LIMCH1: variants seen among roughly 807,000 people sequenced by gnomAD.
LIMCH1 encodes the protein LIM and calponin homology domains-containing protein 1.
A neutral mutation model predicts 176.5 loss-of-function variants in LIMCH1; 113 were observed. The observed-to-expected ratio is 0.64, with a 90% CI of 0.55 to 0.75. The LOEUF is 0.75. Ranked by LOEUF, LIMCH1 falls within the 30% of genes least tolerant of loss-of-function variation. The pLI is 0.00. For missense variants in LIMCH1, 1,674 were observed against 1,814.9 expected, an observed-to-expected ratio of 0.92 and a Z score of 1.41; for synonymous variants, 619 against 645.9, an observed-to-expected ratio of 0.96 and a Z score of 0.63.
intron 1 of LIMCH1, among the ~76,000 whole-genome samples, chr4:41,420,259 C>G (rs1375961357): frequency 6.6e-6 from 1 of 152,088 alleles, no homozygotes; most frequent in Non-Finnish European, 1.5e-5. Flanking sequence ...GGTAACATGC[C>G]AAAATGCCCA....
At chr4:41,642,957 G>A (rs1348040003) in intron 14 of LIMCH1, among the ~76,000 whole-genome samples, 1 of 152,148 alleles carries the variant, frequency 6.6e-6, no homozygotes, top group African/African-American at 2.4e-5. Flanking sequence ...TTATGCAATG[G>A]CTTGTCATAT....
In LIMCH1 at chr4:41,360,977, C is replaced by G. The variant is rs1378951566; in HGVS notation, c.96+41C>G. On this transcript the variant is annotated intron_variant, in intron 1 of 26. Transcript: ENST00000313860. The surrounding 1 kb of genome is among the most constrained non-coding windows in gnomAD (Gnocchi z 4.5). ...TGGCGGGCGGCCTTGCACTGGCGCC[C>G]TGAGCCACGGACCCGCGCACGCTCC... 2 of 1,454,866 alleles carry G rather than the reference C, an allele frequency of 1.4e-6. No homozygotes were observed. Among genetic ancestry groups the G allele is most frequent in the African/African-American group, 2.9e-5 (2 of 69,940 alleles). The allele number at this position is 1,454,866 out of a possible 1,614,324, so 90.1% of individuals were successfully genotyped here. A position where few individuals can be genotyped will look rare whatever the true frequency, so the allele number is the denominator to read the frequency against.
At chr4:41,561,667 G>A (rs1233223670) in intron 1 of LIMCH1, among the ~76,000 whole-genome samples, 1 of 152,128 alleles carries the variant, frequency 6.6e-6, no homozygotes, top group East Asian at 1.9e-4. Flanking sequence ...GCACTAAAAT[G>A]TGGACAAGTA....
At position 41,395,505 on chromosome 4, in the gene LIMCH1, A is replaced by G. The variant is rs147252496; in HGVS notation, c.96+34569A>G. ...TGATCCGCCCGCCTTGGCCTCCCAA[A>G]GTGCTGTGATTACAGGCATGAGCCA... is the stretch of plus-strand genomic sequence containing the variant. On this transcript the variant is annotated intron_variant, in intron 1 of 26. Transcript: ENST00000313860. Among the ~76,000 whole-genome samples the G allele has an allele frequency of 6.0e-3, 920 of 152,100 alleles. 16 individuals are homozygous for G. The highest frequency in any genetic ancestry group is 0.021 in the African/African-American group (882 of 41,478).
In LIMCH1 at chr4:41,593,310, T is replaced by G. The variant is rs148282410; in HGVS notation, c.-240-5610T>G. Among the ~76,000 whole-genome samples the G allele has an allele frequency of 9.2e-5, 14 of 152,368 alleles. 1 individual carries two copies. The highest frequency in any genetic ancestry group is 3.1e-4 in the African/African-American group (13 of 41,590). On this transcript the variant is annotated intron_variant, in intron 1 of 31. Coordinates refer to ENST00000503057, the MANE Select transcript of LIMCH1 (RefSeq NM_001330672.2). ...TGGTATAAATTCATGTATTAATATTTGTCTAGTACAAAATAGACTCTTTGA... is the reference window on the plus strand; with the variant it reads ...TGGTATAAATTCATGTATTAATATTGGTCTAGTACAAAATAGACTCTTTGA...
intron 1 of LIMCH1, among the ~76,000 whole-genome samples, chr4:41,367,383 C>T (rs568801786): frequency 1.3e-5 from 2 of 152,250 alleles, no homozygotes; most frequent in African/African-American, 4.8e-5. Flanking sequence ...GGGAAAGCTC[C>T]ATGTTTCCAC....
chr4:41,440,191 A>T (rs890431595), intron 1 of LIMCH1, among the ~76,000 whole-genome samples: 1 of 152,190 alleles, frequency 6.6e-6, no homozygotes, highest in South Asian at 2.1e-4. Flanking sequence ...TAACAAAAAT[A>T]CTGTTTAATG....
intron 2 of LIMCH1, chr4:41,494,645 A>G: frequency 3.1e-6 from 4 of 1,301,448 alleles, no homozygotes; most frequent in Non-Finnish European, 4.4e-6. Context: ...TATTCAAAAA[A>G]CATCATTAAT....
rs555926488 is a variant in LIMCH1 at position 41,676,588 on chromosome 4, A to G, written c.3519+126A>G. 7.0e-6 allele frequency: 5 copies of G among 709,632 alleles called. No individual in the cohort carries two copies. In the East Asian group the frequency reaches 1.4e-4, roughly 20 times the overall value. The allele number at this position is 709,632 out of a possible 1,614,324, so 44.0% of individuals were successfully genotyped here. A position where few individuals can be genotyped will look rare whatever the true frequency, so the allele number is the denominator to read the frequency against. On this transcript the variant is annotated intron_variant, in intron 23 of 31. Coordinates refer to ENST00000503057, the MANE Select transcript of LIMCH1 (RefSeq NM_001330672.2). ...TTATTCTCGGAAGTTAGTGAGTCTC[A>G]AGTCAGTTCATTTTGTGTCCTTGTA...
In LIMCH1 at chr4:41,377,449, C is replaced by T. The variant is rs79406768; in HGVS notation, c.96+16513C>T. Among the ~76,000 whole-genome samples, 704 of 152,200 alleles carry T rather than the reference C, an allele frequency of 4.6e-3. 3 individuals carry two copies. Among genetic ancestry groups the T allele is most frequent in the Middle Eastern group, 0.014 (4 of 294 alleles). The stretch of plus-strand genomic sequence containing the variant: ...AGGAAAGGGCATTCTGCTCACAGTG[C>T]GAGGGGAGAGGAGTGGATATTTTTC... On this transcript the variant is annotated intron_variant, in intron 1 of 26. Coordinates refer to the LIMCH1 transcript ENST00000313860.
intron 28 of LIMCH1, 124 bp from the exon 29 acceptor site, chr4:41,687,716 T>C (rs1722041833): frequency 1.6e-6 from 1 of 614,350 alleles, no homozygotes; most frequent in Non-Finnish European, 2.9e-6. Flanking sequence ...AATGCTGTGG[T>C]CTTTGATTTG....
chr4:41,501,926 G>A (rs1023733309), intron 2 of LIMCH1, among the ~76,000 whole-genome samples: 2 of 133,100 alleles, frequency 1.5e-5, no homozygotes, highest in East Asian at 2.2e-4. Context: ...TCCAGGGTAC[G>A]TGTGCAGGAT....
rs780764464 is a variant in LIMCH1, at chr4:41,689,582, G to A, written c.4222G>A (p.Ala1408Thr). The A allele has an allele frequency of 6.2e-6, 10 of 1,612,858 alleles. No individual in the cohort carries two copies. In the African/African-American group the frequency reaches 1.3e-4, roughly 22 times the overall value. ...CTGTGGGCTTCCTTTGGGTAAAGGA[G>A]CTGCAATGATCATCGAGACCCTCAA... ...SSCGLPLGKG[A>T]AMIIETLNLY... The change falls in exon 30 of 32, where the codon GCT becomes ACT. Residue 1408 changes from alanine (A) to threonine (T), a missense_variant. Around this residue, in one of 3 missense-constraint regions of LIMCH1, gnomAD observed 1,015 missense variants for 1,102.5 expected, o/e 0.92. Coordinates refer to ENST00000503057, the MANE Select transcript of LIMCH1 (RefSeq NM_001330672.2).
chr4:41,391,651 T>C (rs2057253832), intron 1 of LIMCH1, among the ~76,000 whole-genome samples: 1 of 152,112 alleles, frequency 6.6e-6, no homozygotes, highest in African/African-American at 2.4e-5. Context: ...CCCAGATTAA[T>C]CATGACATAG....
rs745508497 is a variant in LIMCH1 at position 41,646,829 on chromosome 4, C to T, written c.2756C>T (p.Pro919Leu). The T allele has an allele frequency of 1.2e-6, 2 of 1,614,172 alleles. No homozygotes were observed. The highest frequency in any genetic ancestry group is 1.7e-6 in the Non-Finnish European group (2 of 1,180,018). Reference sequence around the variant, plus strand: ...AAAACTGTCACTCCCAAAGCAGTGCCTATGCTGACACCCAAGCCTTACTCC... The same window carrying T: ...AAAACTGTCACTCCCAAAGCAGTGCTTATGCTGACACCCAAGCCTTACTCC... ...PSKTVTPKAV[P>L]MLTPKPYSQP... The change falls in exon 17 of 32, where the codon CCT becomes CTT. Residue 919 changes from proline (P) to leucine (L), a missense_variant. Around this residue, in one of 3 missense-constraint regions of LIMCH1, gnomAD observed 1,015 missense variants for 1,102.5 expected, o/e 0.92. Coordinates refer to ENST00000503057, the MANE Select transcript of LIMCH1 (RefSeq NM_001330672.2).
chr4:41,684,267 GAATA>G (rs1336717278), intron 26 of LIMCH1, 126 bp from the exon 27 acceptor site: 40 of 675,606 alleles, frequency 5.9e-5, no homozygotes, highest in Admixed American at 5.5e-4. Context: ...TTTTAAAATA[GAATA>G]AATAAAGAGT....
At chr4:41,541,032 A>G (rs144162006) in intron 1 of LIMCH1, among the ~76,000 whole-genome samples, 5 of 152,260 alleles carry the variant, frequency 3.3e-5, no homozygotes, top group African/African-American at 1.2e-4. Context: ...GTAGGGAGAG[A>G]TTTGTGTGTG....
At chr4:41,633,208 A>G in intron 12 of LIMCH1, 123 bp downstream of exon 12, 3 of 689,748 alleles carry the variant, frequency 4.3e-6, no homozygotes, top group Non-Finnish European at 7.3e-6. Flanking sequence ...GCGTGGAGTA[A>G]AGTCACTAAA....
rs143968131 is a variant in LIMCH1 at position 41,649,033 on chromosome 4, A to G, written c.2821-1360A>G. Among the ~76,000 whole-genome samples, 498 of 152,242 alleles carry G rather than the reference A, an allele frequency of 3.3e-3. 3 individuals are homozygous for G. Among genetic ancestry groups the G allele is most frequent in the African/African-American group, 0.011 (469 of 41,518 alleles). On this transcript the variant is annotated intron_variant, in intron 17 of 31. Coordinates refer to ENST00000503057, the MANE Select transcript of LIMCH1 (RefSeq NM_001330672.2). ...TATGGGTAACAAATAATAGAGTAAA[A>G]AGACCAGTGGCTTAAGGTAAATAAA...
Sources: allele counts gnomAD v4.1 joint callset (sites outside exome capture counted in the v4.1 genomes callset), GRCh38; gene constraint gnomAD v4.1.1; regional missense constraint gnomAD v4.1.1; non-coding constraint Gnocchi (gnomAD v3.1); transcripts MANE v1.5; gene names NCBI Gene and HGNC (gene_info 2026-07-23, HGNC 2026-07-21).